Variants in DENND1B observed in about 807,000 individuals in gnomAD.
The protein encoded by DENND1B is DENN domain containing 1B.
A neutral mutation model predicts 90.1 loss-of-function variants in DENND1B; 59 were observed. The ratio of observed to expected loss-of-function variants is 0.65; its 90% CI spans 0.53 to 0.81. The LOEUF is 0.81. Among genes scored for constraint, DENND1B ranks in the 40% least tolerant of loss-of-function variants. The pLI is 0.00. For missense variants in DENND1B, 862 were observed against 912.6 expected (o/e 0.94, Z 0.71); for synonymous variants, 337 against 324.6 (o/e 1.04, Z -0.41).
chr1:197,538,409 G>A (rs1316746147), intron 20 of DENND1B, among the ~76,000 whole-genome samples: 1 of 152,016 alleles, frequency 6.6e-6, no homozygotes, highest in Non-Finnish European at 1.5e-5. Context: ...TCTGACTTCG[G>A]GAATAATTAT....
At chr1:197,573,588 C>T (rs1344499113) in intron 15 of DENND1B, among the ~76,000 whole-genome samples, 1 of 152,174 alleles carries the variant, frequency 6.6e-6, no homozygotes, top group African/African-American at 2.4e-5. Context: ...GGAATCCTCC[C>T]TAACTCATTT....
rs191731809 is a variant in DENND1B at position 197,507,663 on chromosome 1, T to A, written c.*2797A>T. The A allele has an allele frequency of 1.1e-4, 17 of 151,658 alleles. No individual in the cohort carries two copies. The highest frequency in any genetic ancestry group is 4.1e-4 in the African/African-American group (17 of 41,484). The allele number at this position is 151,658 out of a possible 1,614,324, so 9.4% of individuals were successfully genotyped here. On this transcript the variant is annotated 3_prime_UTR_variant, in exon 23 of 23. Transcript: ENST00000620048. ...CAGGTGTTGCTTCTTTGAAAAATAA[T>A]TTCAAAAAGCAGAGGAACTTACAAA...
chr1:197,780,286 CT>C (rs1427393095), upstream of DENND1B, among the ~76,000 whole-genome samples: 2 of 151,170 alleles, frequency 1.3e-5, no homozygotes, highest in Non-Finnish European at 2.9e-5. Context: ...GTTCATCCAG[CT>C]TAGGAAAAAC....
At chr1:197,643,641 G>A (rs1490001293) in intron 9 of DENND1B, among the ~76,000 whole-genome samples, 1 of 152,158 alleles carries the variant, frequency 6.6e-6, no homozygotes, top group Non-Finnish European at 1.5e-5. Context: ...TTATAAAACA[G>A]CCCTTTGGTA....
intron 3 of DENND1B, among the ~76,000 whole-genome samples, chr1:197,700,469 G>A (rs982305313): frequency 1.3e-5 from 2 of 151,842 alleles, no homozygotes; most frequent in African/African-American, 4.8e-5. Context: ...AACTCAAGAT[G>A]GATTAAAGAT....
At position 197,735,876 on chromosome 1, in the gene DENND1B, G is replaced by A. The variant is rs1272296415; in HGVS notation, c.83-20802C>T. 3 of 1,552,336 alleles carry A rather than the reference G, an allele frequency of 1.9e-6. No homozygotes were observed. In the Admixed American group the frequency reaches 5.1e-5, roughly 26 times the overall value. On this transcript the variant is annotated intron_variant, in intron 2 of 22. Coordinates refer to ENST00000620048, the MANE Select transcript of DENND1B (RefSeq NM_001195215.2). ...TTGCCGAGCAGTCAAATTGCAGGGG[G>A]CTATTACAGGTGCCTCTCCTGCTGA...
At chr1:197,700,027 C>A (rs1248717251) in intron 3 of DENND1B, among the ~76,000 whole-genome samples, 2 of 152,134 alleles carry the variant, frequency 1.3e-5, no homozygotes, top group Non-Finnish European at 2.9e-5. Flanking sequence ...TGAAGATGGC[C>A]ATACTGTCCA....
chr1:197,650,716 C>T (rs181976804), intron 7 of DENND1B, among the ~76,000 whole-genome samples: 289 of 152,216 alleles, frequency 1.9e-3, no homozygotes, highest in Non-Finnish European at 1.9e-3. Flanking sequence ...GCATTTGCAG[C>T]GACCTGGATG....
intron 18 of DENND1B, among the ~76,000 whole-genome samples, chr1:197,542,917 T>TTTTTTTTA (rs1670445063): frequency 6.8e-6 from 1 of 148,012 alleles, no homozygotes; most frequent in Non-Finnish European, 1.5e-5. Context: ...TAGAAACCTT[T>TTTTTTTTA]TTTATTTATT....
At chr1:197,567,870 G>C (rs1672812527) in intron 15 of DENND1B, among the ~76,000 whole-genome samples, 1 of 152,048 alleles carries the variant, frequency 6.6e-6, no homozygotes, top group South Asian at 2.1e-4. Flanking sequence ...ATGGTAAAAA[G>C]CTAAGATAAG....
intron 20 of DENND1B, among the ~76,000 whole-genome samples, chr1:197,536,851 C>A (rs1294099442): frequency 6.6e-6 from 1 of 151,940 alleles, no homozygotes; most frequent in Non-Finnish European, 1.5e-5. Context: ...ACCATCCTGG[C>A]TAACATAAAC....
Position 197,629,259 on chromosome 1 carries a change from A to G in DENND1B, c.673-11500T>C, listed in dbSNP as rs964502531. On this transcript the variant is annotated intron_variant, in intron 10 of 22. Transcript: ENST00000620048. ...TTATTGCGGCACTATTCACAATAGC[A>G]AAGACTTGGAACCAACCCAAATGTC... Among the ~76,000 whole-genome samples, 48 of 152,190 alleles carry G rather than the reference A, an allele frequency of 3.2e-4. 1 individual carries two copies. Among genetic ancestry groups the G allele is most frequent in the Non-Finnish European group, 1.9e-4 (13 of 67,998 alleles).
chr1:197,603,096 A>G (rs776117794), intron 13 of DENND1B, among the ~76,000 whole-genome samples: 8 of 151,452 alleles, frequency 5.3e-5, no homozygotes, highest in Non-Finnish European at 8.9e-5. Context: ...TGACTTGTAC[A>G]ATAACTCTTA....
intron 2 of DENND1B, among the ~76,000 whole-genome samples, chr1:197,767,810 C>A (rs532201680): frequency 1.3e-5 from 2 of 152,246 alleles, no homozygotes; most frequent in East Asian, 1.9e-4. Context: ...TTAGGGAACA[C>A]ACTGTATTCC....
At chr1:197,778,195 A>G (rs149376250), upstream of DENND1B, among the ~76,000 whole-genome samples, 173 of 152,274 alleles carry the variant, frequency 1.1e-3, no homozygotes, top group African/African-American at 4.0e-3. Context: ...CTTAGATTCT[A>G]AACAGTTTTC....
intron 16 of DENND1B, 45 bp from the exon 17 acceptor site, chr1:197,546,818 T>G: frequency 6.6e-7 from 1 of 1,505,920 alleles, no homozygotes; most frequent in Non-Finnish European, 8.9e-7. Context: ...TGATCAAAAA[T>G]AAATCTGTAA....
intron 9 of DENND1B, among the ~76,000 whole-genome samples, chr1:197,645,348 T>C (rs1204922644): frequency 1.3e-5 from 2 of 152,008 alleles, no homozygotes; most frequent in African/African-American, 2.4e-5. Context: ...GTAGAAGCCA[T>C]CTCCTGAGGT....
At chr1:197,529,332 A>ATGTGTGTG (rs145161367) in intron 20 of DENND1B, among the ~76,000 whole-genome samples, 3 of 143,460 alleles carry the variant, frequency 2.1e-5, no homozygotes, top group African/African-American at 5.3e-5. Flanking sequence ...GTGTATATAT[A>ATGTGTGTG]TGTGTGTGTG....
chr1:197,741,590 T>C (rs1162050319), intron 2 of DENND1B, among the ~76,000 whole-genome samples: 1 of 152,284 alleles, frequency 6.6e-6, no homozygotes. Context: ...AACATACCTT[T>C]TATGCCATTA....
Sources: allele counts gnomAD v4.1 joint callset (sites outside exome capture counted in the v4.1 genomes callset), GRCh38; gene constraint gnomAD v4.1.1; transcripts MANE v1.5; gene names NCBI Gene and HGNC (gene_info 2026-07-23, HGNC 2026-07-21).